The following HCN1 variants were observed in gnomAD, a reference collection of about 807,000 sequenced individuals.
HCN1 encodes the protein hyperpolarization activated cyclic nucleotide gated potassium channel 1.
In HCN1, 13 loss-of-function variants were observed where a neutral mutation model predicts 78.9. The observed-to-expected ratio is 0.16, with a 90% CI of 0.11 to 0.26. HCN1 has a LOEUF of 0.26. Ranked by LOEUF, HCN1 falls within the 10% of genes least tolerant of loss-of-function variation. The pLI is 1.00. For missense variants in HCN1, 810 were observed against 1,154.3 expected (o/e 0.70, Z 4.32); for synonymous variants, 552 against 455.5 (o/e 1.21, Z -2.70).
intron 2 of HCN1, among the ~76,000 whole-genome samples, chr5:45,516,492 A>T (rs192170945): frequency 6.6e-6 from 1 of 152,134 alleles, no homozygotes; most frequent in Non-Finnish European, 1.5e-5. Flanking sequence ...ATGCAAGGAT[A>T]AGATAGACAA....
At chr5:45,633,198 A>G (rs1487183311) in intron 2 of HCN1, among the ~76,000 whole-genome samples, 1 of 152,006 alleles carries the variant, frequency 6.6e-6, no homozygotes, top group Non-Finnish European at 1.5e-5. Context: ...CCATTTAAGG[A>G]TCTTTCAAAA....
intron 1 of HCN1, among the ~76,000 whole-genome samples, chr5:45,655,702 A>G (rs747817399): frequency 1.5e-4 from 23 of 152,102 alleles, no homozygotes; most frequent in Admixed American, 5.2e-4. Flanking sequence ...GTTTGCCTAC[A>G]TTCCCAGAGG....
intron 5 of HCN1, among the ~76,000 whole-genome samples, chr5:45,338,252 G>A (rs1362974741): frequency 6.6e-6 from 1 of 152,094 alleles, no homozygotes; most frequent in East Asian, 1.9e-4. Flanking sequence ...AGACAATGAA[G>A]GTATGACCTA....
chr5:45,534,982 G>C (rs1742937617), intron 2 of HCN1, among the ~76,000 whole-genome samples: 1 of 152,158 alleles, frequency 6.6e-6, no homozygotes, highest in South Asian at 2.1e-4. Context: ...TATTGAAACA[G>C]TAAGACTTGG....
At chr5:45,304,288 C>T (rs1419291328) in intron 5 of HCN1, among the ~76,000 whole-genome samples, 5 of 142,542 alleles carry the variant, frequency 3.5e-5, no homozygotes, top group Non-Finnish European at 7.4e-5. Context: ...CAGACAAAAA[C>T]ATTTTGATGT....
intron 3 of HCN1, among the ~76,000 whole-genome samples, chr5:45,402,762 C>G (rs1464707594): frequency 6.6e-6 from 1 of 151,012 alleles, no homozygotes; most frequent in Non-Finnish European, 1.5e-5. Context: ...TCTCCCCCTT[C>G]CTCTTTCTTT....
intron 2 of HCN1, among the ~76,000 whole-genome samples, chr5:45,580,692 G>A (rs555514531): frequency 3.4e-4 from 51 of 151,598 alleles, no homozygotes; most frequent in Admixed American, 1.4e-3. Flanking sequence ...TCTCCCCTCC[G>A]CCCACCCCAC....
At chr5:45,369,714 C>A (rs976860771) in intron 4 of HCN1, among the ~76,000 whole-genome samples, 7 of 151,716 alleles carry the variant, frequency 4.6e-5, no homozygotes, top group Non-Finnish European at 1.0e-4. Flanking sequence ...TAGTATATAC[C>A]CCAAAACACT....
At chr5:45,426,272 T>G (rs551400146) in intron 3 of HCN1, among the ~76,000 whole-genome samples, 1 of 152,314 alleles carries the variant, frequency 6.6e-6, no homozygotes, top group South Asian at 2.1e-4. Flanking sequence ...AAATGGATTA[T>G]GGAGCTAATG....
At chr5:45,578,997 T>C (rs1379226510) in intron 2 of HCN1, among the ~76,000 whole-genome samples, 3 of 152,070 alleles carry the variant, frequency 2.0e-5, no homozygotes, top group African/African-American at 7.2e-5. Context: ...CGTTATCTCA[T>C]GACATTTTCA....
intron 4 of HCN1, among the ~76,000 whole-genome samples, chr5:45,374,170 AAT>A (rs1485213186): frequency 1.7e-5 from 2 of 115,142 alleles, no homozygotes; most frequent in African/African-American, 3.3e-5. Flanking sequence ...TTATATACAT[AAT>A]ATATATTATA....
At chr5:45,503,272 A>T (rs1391914834) in intron 2 of HCN1, among the ~76,000 whole-genome samples, 1 of 152,156 alleles carries the variant, frequency 6.6e-6, no homozygotes, top group African/African-American at 2.4e-5. Context: ...GAATTTCACT[A>T]CTAGTTTATA....
intron 3 of HCN1, among the ~76,000 whole-genome samples, chr5:45,459,228 AC>A (rs1332310082): frequency 6.6e-6 from 1 of 151,840 alleles, no homozygotes; most frequent in East Asian, 1.9e-4. Context: ...ACATAGCAAG[AC>A]CCCCATCTCA....
chr5:45,571,301 G>T (rs1561205324), intron 2 of HCN1, among the ~76,000 whole-genome samples: 1 of 152,094 alleles, frequency 6.6e-6, no homozygotes, highest in Non-Finnish European at 1.5e-5. Context: ...GTAAAATTGG[G>T]TATGTAGGGT....
At chr5:45,564,536 AGT>A (rs756386544) in intron 2 of HCN1, among the ~76,000 whole-genome samples, 1 of 152,254 alleles carries the variant, frequency 6.6e-6, no homozygotes, top group East Asian at 1.9e-4. Flanking sequence ...TCCTCCTAAA[AGT>A]GTCATGCCCA....
At chr5:45,400,051 T>C (rs1301139970) in intron 3 of HCN1, among the ~76,000 whole-genome samples, 1 of 152,272 alleles carries the variant, frequency 6.6e-6, no homozygotes, top group South Asian at 2.1e-4. Flanking sequence ...AGAAATGGTA[T>C]ATTTACATTT....
intron 2 of HCN1, among the ~76,000 whole-genome samples, chr5:45,596,824 T>A (rs1452169986): frequency 6.6e-6 from 1 of 152,198 alleles, no homozygotes; most frequent in East Asian, 1.9e-4. Context: ...TAAATTAGAA[T>A]AGCTCTAGAA....
intron 4 of HCN1, among the ~76,000 whole-genome samples, chr5:45,357,391 T>G (rs1040818679): frequency 6.6e-6 from 1 of 152,078 alleles, no homozygotes; most frequent in Non-Finnish European, 1.5e-5. Flanking sequence ...ATGTATTTAG[T>G]CTCTGCATTT....
intron 2 of HCN1, among the ~76,000 whole-genome samples, chr5:45,586,246 C>T (rs1418074007): frequency 1.3e-5 from 2 of 152,140 alleles, no homozygotes; most frequent in Non-Finnish European, 2.9e-5. Flanking sequence ...CCCCCAACCT[C>T]GCTGCCGCCT....
Sources: allele counts gnomAD v4.1 joint callset (sites outside exome capture counted in the v4.1 genomes callset), GRCh38; gene constraint gnomAD v4.1.1; transcripts MANE v1.5; gene names NCBI Gene and HGNC (gene_info 2026-07-23, HGNC 2026-07-21).